ARHGAP5: variants seen among roughly 807,000 people sequenced by gnomAD.
ARHGAP5 encodes Rho GTPase activating protein 5.
In ARHGAP5, 23 loss-of-function variants were observed where a neutral mutation model predicts 116.6. The ratio of observed to expected loss-of-function variants is 0.20; its 90% CI spans 0.14 to 0.28. The LOEUF is 0.28. ARHGAP5 is among the 10% of genes least tolerant of loss of function. ARHGAP5 has a pLI of 1.00. For missense variants in ARHGAP5, 1,405 were observed against 1,774.8 expected, an observed-to-expected ratio of 0.79 and a Z score of 3.74; for synonymous variants, 574 against 602.0, an observed-to-expected ratio of 0.95 and a Z score of 0.68.
intron 3 of ARHGAP5, among the ~76,000 whole-genome samples, chr14:32,138,349 A>G (rs904884900): frequency 6.6e-6 from 1 of 152,128 alleles, no homozygotes; most frequent in South Asian, 2.1e-4. Context: ...CAGCAGTGCA[A>G]TCTCTGCTCA....
At chr14:32,111,830 T>G (rs1306703470) in intron 2 of ARHGAP5, among the ~76,000 whole-genome samples, 4 of 149,760 alleles carry the variant, frequency 2.7e-5, no homozygotes, top group Admixed American at 6.8e-5. Flanking sequence ...TTGTCACGCT[T>G]CTTCTTTGAT....
At chr14:32,108,146 G>C (rs574882719) in intron 2 of ARHGAP5, among the ~76,000 whole-genome samples, 35 of 152,294 alleles carry the variant, frequency 2.3e-4, no homozygotes, top group African/African-American at 8.2e-4. Context: ...GAATGGTAGG[G>C]AAAGCCAGAT....
chr14:32,078,139 TAAAGA>T (rs2041730710), intron 1 of ARHGAP5: 1 of 84,328 alleles, frequency 1.2e-5, no homozygotes, highest in African/African-American at 4.9e-5. Flanking sequence ...CTCTTTCCAC[TAAAGA>T]AAAGTATCGG....
Position 32,093,276 on chromosome 14 carries a change from T to C in ARHGAP5, c.2607T>C (p.Phe869=). ...RKASMGMLRA[F]LSEVQDTIPV... ...CTTCGATGGGAATGCTTCGAGCATT[T>C]CTATCAGAAGTTCAAGACACCATTC... Residue 869 remains phenylalanine (F), a synonymous_variant, in exon 2 of 7, where the codon TTT becomes TTC. Transcript: ENST00000345122. The C allele has an allele frequency of 6.2e-7, 1 of 1,613,704 alleles. No individual in the cohort carries two copies. Among genetic ancestry groups the C allele is most frequent in the Non-Finnish European group, 8.5e-7 (1 of 1,179,862 alleles).
At chr14:32,094,875 A>T (rs1449230295) in intron 2 of ARHGAP5, among the ~76,000 whole-genome samples, 1 of 152,186 alleles carries the variant, frequency 6.6e-6, no homozygotes, top group African/African-American at 2.4e-5. Flanking sequence ...AGGTTTCTGA[A>T]ATTTGAATTG....
chr14:32,127,127 A>G (rs938342931), intron 3 of ARHGAP5, among the ~76,000 whole-genome samples: 1 of 150,790 alleles, frequency 6.6e-6, no homozygotes, highest in African/African-American at 2.4e-5. Flanking sequence ...CCTCCCAAGT[A>G]GCTGGGACCA....
At chr14:32,138,663 A>G (rs1358812944) in intron 3 of ARHGAP5, among the ~76,000 whole-genome samples, 2 of 152,206 alleles carry the variant, frequency 1.3e-5, no homozygotes, top group South Asian at 2.1e-4. Flanking sequence ...GGATAATTTT[A>G]CTTCATTTTT....
chr14:32,157,872 T>C lies in ARHGAP5; in HGVS notation c.*2924T>C, dbSNP rs1174846066. 6.6e-6 allele frequency: 1 copy of C among 151,096 alleles called. No individual in the cohort carries two copies. The highest frequency in any genetic ancestry group is 1.5e-5 in the Non-Finnish European group (1 of 67,492). The allele number at this position is 151,096 out of a possible 1,614,324, so 9.4% of individuals were successfully genotyped here. A position where few individuals can be genotyped will look rare whatever the true frequency, so the allele number is the denominator to read the frequency against. On this transcript the variant is annotated 3_prime_UTR_variant, in exon 7 of 7. Coordinates refer to ENST00000345122, the MANE Select transcript of ARHGAP5 (RefSeq NM_001030055.2). ...TGGAATCTAATTAATATCTCTTAGGTATCAACAAAAGGGAACAATTGGAAT... is the reference window on the plus strand; with the variant it reads ...TGGAATCTAATTAATATCTCTTAGGCATCAACAAAAGGGAACAATTGGAAT...
intron 2 of ARHGAP5, among the ~76,000 whole-genome samples, chr14:32,111,873 C>T (rs368421468): frequency 9.3e-5 from 12 of 128,346 alleles, no homozygotes; most frequent in Admixed American, 4.5e-4. Flanking sequence ...GACAGAGTCT[C>T]GCTCTGTTAC....
chr14:32,140,950 CCCTT>C (rs1479837759), intron 3 of ARHGAP5, among the ~76,000 whole-genome samples: 1 of 152,156 alleles, frequency 6.6e-6, no homozygotes, highest in African/African-American at 2.4e-5. Context: ...GTTTATTTCT[CCCTT>C]CAATTCTGTC....
intron 1 of ARHGAP5, among the ~76,000 whole-genome samples, chr14:32,085,797 T>G (rs753894456): frequency 1.3e-5 from 2 of 152,194 alleles, no homozygotes; most frequent in Non-Finnish European, 2.9e-5. Flanking sequence ...CAGCCAAAAA[T>G]TTTGAATTAA....
intron 1 of ARHGAP5, among the ~76,000 whole-genome samples, chr14:32,083,217 C>T (rs1246445522): frequency 6.6e-6 from 1 of 152,262 alleles, no homozygotes; most frequent in African/African-American, 2.4e-5. Context: ...CTTGCCTACT[C>T]TCTATTTTTG....
Position 32,136,899 on chromosome 14 carries a change from AT to A in ARHGAP5, c.3866-9353del, listed in dbSNP as rs111913571. Among the ~76,000 whole-genome samples, 726 of 148,438 alleles carry A rather than the reference AT, an allele frequency of 4.9e-3. 4 individuals are homozygous for A. Among genetic ancestry groups the A allele is most frequent in the African/African-American group, 0.016 (643 of 40,638 alleles). ...CCATTTGTGTACCTTCTTTGGAGAA[AT>A]TTTTTTTTTTAAGTCTTTGGCCTTT... On this transcript the variant is annotated intron_variant, in intron 3 of 6. Coordinates refer to ENST00000345122, the MANE Select transcript of ARHGAP5 (RefSeq NM_001030055.2).
chr14:32,136,714 C>T (rs553716968), intron 3 of ARHGAP5, among the ~76,000 whole-genome samples: 12 of 152,278 alleles, frequency 7.9e-5, no homozygotes, highest in African/African-American at 2.9e-4. Flanking sequence ...CACTATTTTA[C>T]ATTCTTATCA....
Position 32,091,418 on chromosome 14 carries a change from G to A in ARHGAP5, c.749G>A (p.Arg250His), listed in dbSNP as rs780865453. The A allele has an allele frequency of 3.2e-5, 51 of 1,610,268 alleles. No individual in the cohort carries two copies. The highest frequency in any genetic ancestry group is 4.0e-5 in the Non-Finnish European group (47 of 1,178,418). The stretch of plus-strand genomic sequence containing the variant: ...CTGGTACAAATGTTGGATAAAACTC[G>A]TAGCAAGCCTAAAATTATTCCCTAT... ...TALVQMLDKT[R>H]SKPKIIPYLD... Residue 250 changes from arginine to histidine, a missense_variant, in exon 2 of 7, where the codon CGT becomes CAT. Arg to His is a conservative substitution (Grantham distance 29, BLOSUM62 0). Transcript: ENST00000345122.
chr14:32,091,692 T>A lies in ARHGAP5; in HGVS notation c.1023T>A (p.Thr341=). 6.2e-7 allele frequency: 1 copy of A among 1,610,000 alleles called. No individual in the cohort carries two copies. Among genetic ancestry groups the A allele is most frequent in the Non-Finnish European group, 8.5e-7 (1 of 1,178,638 alleles). ...AAAGGAGAGAAGAGTATATAAATAC[T>A]TTACCAAGAGCTTTTAACACTCTTT... ...IRKRREEYIN[T]LPRAFNTLLP... The change falls in exon 2 of 7, where the codon ACT becomes ACA. Residue 341 remains threonine (T), a synonymous_variant. Transcript: ENST00000345122.
chr14:32,099,920 A>G (rs1878713934), intron 2 of ARHGAP5, among the ~76,000 whole-genome samples: 1 of 152,152 alleles, frequency 6.6e-6, no homozygotes. Context: ...AGGTTTCGTT[A>G]TCTTTTGTTT....
At chr14:32,083,864 G>C (rs2041802841) in intron 1 of ARHGAP5, among the ~76,000 whole-genome samples, 1 of 152,124 alleles carries the variant, frequency 6.6e-6, no homozygotes, top group South Asian at 2.1e-4. Flanking sequence ...TGGAAGGAAG[G>C]TGAACTACCA....
At chr14:32,143,268 A>G (rs1881221119) in intron 3 of ARHGAP5, among the ~76,000 whole-genome samples, 1 of 149,842 alleles carries the variant, frequency 6.7e-6, no homozygotes, top group African/African-American at 2.5e-5. Flanking sequence ...TTTGAGACGG[A>G]GACTTGCTCT....
Sources: allele counts gnomAD v4.1 joint callset (sites outside exome capture counted in the v4.1 genomes callset), GRCh38; gene constraint gnomAD v4.1.1; transcripts MANE v1.5; gene names NCBI Gene and HGNC (gene_info 2026-07-23, HGNC 2026-07-21).